Variants in EPS15L1 observed in about 807,000 individuals in gnomAD.
The protein encoded by EPS15L1 is epidermal growth factor receptor pathway substrate 15 like 1.
In EPS15L1, 43 loss-of-function variants were observed where a neutral mutation model predicts 117.1. The ratio of observed to expected loss-of-function variants is 0.37; its 90% confidence interval spans 0.29 to 0.47. EPS15L1 has a LOEUF of 0.47. Among genes scored for constraint, EPS15L1 ranks in the 20% least tolerant of loss-of-function variants. EPS15L1 has a pLI of 0.99. For synonymous variants in EPS15L1, 459 were observed against 470.5 expected (o/e 0.98, Z 0.32); for missense variants, 981 against 1,164.0 (o/e 0.84, Z 2.29).
intron 23 of EPS15L1, among the ~76,000 whole-genome samples, chr19:16,360,996 T>C (rs943404945): frequency 1.3e-5 from 2 of 152,194 alleles, no homozygotes; most frequent in South Asian, 4.1e-4. Flanking sequence ...AGACAACACC[T>C]GAAGCTTTCA....
At chr19:16,458,821 A>G (rs574635384) in intron 1 of EPS15L1, among the ~76,000 whole-genome samples, 1 of 152,276 alleles carries the variant, frequency 6.6e-6, no homozygotes, top group African/African-American at 2.4e-5. Context: ...TCTACTGAAC[A>G]TATCGGGCAC....
chr19:16,390,441 C>G (rs2092464262), intron 19 of EPS15L1, among the ~76,000 whole-genome samples: 1 of 152,132 alleles, frequency 6.6e-6, no homozygotes, highest in South Asian at 2.1e-4. Context: ...CTCTCAGACA[C>G]TGGTAGGACT....
intron 1 of EPS15L1, among the ~76,000 whole-genome samples, chr19:16,458,465 TG>T (rs1470024906): frequency 6.6e-6 from 1 of 151,510 alleles, no homozygotes; most frequent in Non-Finnish European, 1.5e-5. Flanking sequence ...CCACCCCGCT[TG>T]CCCCATACAT....
At chr19:16,426,106 C>G (rs2092869826) in intron 8 of EPS15L1, among the ~76,000 whole-genome samples, 1 of 152,224 alleles carries the variant, frequency 6.6e-6, no homozygotes, top group African/African-American at 2.4e-5. Context: ...AAAAGAGCAA[C>G]TGCCCACAGG....
intron 1 of EPS15L1, among the ~76,000 whole-genome samples, chr19:16,465,970 T>C (rs540814637): frequency 4.2e-4 from 64 of 150,922 alleles, no homozygotes; most frequent in African/African-American, 1.5e-3. Context: ...TAACAATCTC[T>C]GGCCTCACTT....
chr19:16,392,206 T>TGTAC (rs2092483473), intron 19 of EPS15L1, 98 bp downstream of exon 19: 6 of 1,381,266 alleles, frequency 4.3e-6, no homozygotes, highest in Middle Eastern at 4.6e-4. Flanking sequence ...GCAGGCACCA[T>TGTAC]GTACGCTCCA....
intron 16 of EPS15L1, chr19:16,402,046 A>G: frequency 8.4e-7 from 1 of 1,194,202 alleles, no homozygotes; most frequent in Non-Finnish European, 1.0e-6. Flanking sequence ...GCCCAATGTA[A>G]ATACTTCCGC....
At chr19:16,376,967 G>A (rs538693956) in intron 22 of EPS15L1, among the ~76,000 whole-genome samples, 155 bp downstream of exon 22, 8 of 152,340 alleles carry the variant, frequency 5.3e-5, no homozygotes, top group African/African-American at 1.9e-4. Context: ...CGGCACTTGC[G>A]TGGACCTGGG....
intron 1 of EPS15L1, among the ~76,000 whole-genome samples, chr19:16,447,641 T>A (rs2093097492): frequency 1.3e-5 from 2 of 151,864 alleles, no homozygotes; most frequent in African/African-American, 4.8e-5. Flanking sequence ...GTGCCTGTAA[T>A]CCCAGTTACT....
intron 7 of EPS15L1, among the ~76,000 whole-genome samples, chr19:16,430,315 G>A (rs1239500525): frequency 2.6e-5 from 4 of 152,284 alleles, no homozygotes; most frequent in South Asian, 4.1e-4. Context: ...CAGGTGAAGA[G>A]GGCAGGCTCT....
Position 16,392,456 on chromosome 19 carries a change from C to A in EPS15L1, c.1967-16G>T, listed in dbSNP as rs367891749. ...CCAAATGGATCTAGAAGGAAAAATG[C>A]CCCATAAGTAAACATTATACCAAGT... On this transcript the variant is annotated splice_polypyrimidine_tract_variant and intron_variant, in intron 18 of 23. Coordinates refer to ENST00000455140, the MANE Select transcript of EPS15L1 (RefSeq NM_001258374.3). 5.6e-6 allele frequency: 9 copies of A among 1,612,240 alleles called. No individual in the cohort carries two copies. The African/African-American group carries it at 1.1e-4, about 19-fold the overall frequency.
intron 1 of EPS15L1, among the ~76,000 whole-genome samples, chr19:16,446,013 A>G (rs1393377510): frequency 6.6e-6 from 1 of 152,178 alleles, no homozygotes; most frequent in Non-Finnish European, 1.5e-5. Flanking sequence ...TCAAAATGCT[A>G]AGAGACAACA....
chr19:16,371,661 C>T lies in EPS15L1; in HGVS notation c.2380+5461G>A, dbSNP rs565667868. Among the ~76,000 whole-genome samples, 12 of 152,286 alleles carry T rather than the reference C, an allele frequency of 7.9e-5. No individual in the cohort carries two copies. The highest frequency in any genetic ancestry group is 1.9e-4 in the East Asian group (1 of 5,180). The stretch of plus-strand genomic sequence containing the variant: ...AGGCAGGAACCGCAACGCAGGGCCG[C>T]GCTGGCAGGAAGTGGCAAGGGTGGG... On this transcript the variant is annotated intron_variant, in intron 22 of 23. Transcript: ENST00000455140. This position sits in a 1 kb window ranked among gnomAD's most constrained non-coding sequence, Gnocchi z 4.7.
At chr19:16,403,635 T>C in intron 15 of EPS15L1, 98 bp downstream of exon 15, 2 of 1,176,480 alleles carry the variant, frequency 1.7e-6, no homozygotes, top group Non-Finnish European at 1.2e-6. Context: ...CTCACGTAAG[T>C]AACAAGGGTG....
intron 16 of EPS15L1, among the ~76,000 whole-genome samples, chr19:16,397,686 A>AT (rs942159926): frequency 3.4e-4 from 51 of 150,542 alleles, no homozygotes; most frequent in African/African-American, 1.0e-3. Flanking sequence ...AATGCTTTGC[A>AT]TTTTTTTTTT....
At chr19:16,369,218 G>A (rs898078309) in intron 22 of EPS15L1, among the ~76,000 whole-genome samples, 1 of 152,156 alleles carries the variant, frequency 6.6e-6, no homozygotes, top group African/African-American at 2.4e-5. Context: ...AGCCCCGCGC[G>A]CACTCTGCCT....
chr19:16,386,190 A>G lies in EPS15L1; in HGVS notation c.2145T>C (p.Ser715=). The change falls in exon 20 of 24, where the codon AGT becomes AGC. Residue 715 remains serine, a synonymous_variant. Coordinates refer to ENST00000455140, the MANE Select transcript of EPS15L1 (RefSeq NM_001258374.3). Reference sequence around the variant, plus strand: ...TCTCACCTGATCCTTTTGAGGAGACACTGGAGGATGAAAAGGGATCACTGG... The same window carrying G: ...TCTCACCTGATCCTTTTGAGGAGACGCTGGAGGATGAAAAGGGATCACTGG... ...FESSDPFSSS[S]VSSKGSDPFG... is the part of the protein sequence containing the mutation. 1 of 1,612,672 alleles carries G rather than the reference A, an allele frequency of 6.2e-7. No homozygotes were observed. The highest frequency in any genetic ancestry group is 8.5e-7 in the Non-Finnish European group (1 of 1,178,826).
intron 18 of EPS15L1, 92 bp from the exon 19 acceptor site, chr19:16,392,532 G>A: frequency 8.0e-7 from 1 of 1,254,062 alleles, no homozygotes. Flanking sequence ...CCGTTTACAT[G>A]AAATTCTAGA....
intron 8 of EPS15L1, among the ~76,000 whole-genome samples, chr19:16,425,718 T>C (rs1367212273): frequency 6.6e-6 from 1 of 152,006 alleles, no homozygotes; most frequent in African/African-American, 2.4e-5. Flanking sequence ...GGTGGGAGGA[T>C]TGCCTGAGCC....
Sources: allele counts gnomAD v4.1 joint callset (sites outside exome capture counted in the v4.1 genomes callset), GRCh38; gene constraint gnomAD v4.1.1; non-coding constraint Gnocchi (gnomAD v3.1); transcripts MANE v1.5; gene names NCBI Gene and HGNC (gene_info 2026-07-23, HGNC 2026-07-21).